TMED8: variants seen among roughly 807,000 people sequenced by gnomAD.
TMED8 encodes the protein transmembrane p24 trafficking protein family member 8.
Under a neutral mutation model 32.7 loss-of-function variants are expected in TMED8, and 15 were observed. The ratio of observed to expected loss-of-function variants is 0.46; its 90% CI spans 0.31 to 0.71. The LOEUF (loss-of-function observed/expected upper bound fraction) is 0.71. TMED8 is among the 30% of genes least tolerant of loss of function. TMED8 has a pLI of 0.06. For missense variants in TMED8, 390 were observed against 423.9 expected (o/e 0.92, Z 0.70); for synonymous variants, 147 against 161.4 (o/e 0.91, Z 0.68).
Position 77,343,502 on chromosome 14 carries a change from T to C in TMED8, c.455-19A>G, listed in dbSNP as rs1189508178. 6.2e-7 allele frequency: 1 copy of C among 1,610,332 alleles called. No individual in the cohort carries two copies. Among genetic ancestry groups the C allele is most frequent in the Non-Finnish European group, 8.5e-7 (1 of 1,177,686 alleles). ...GGGGAGACTGAAAGGACAAGCAGCT[T>C]AGCACTGAGAAACCATGAGGAAACA... On this transcript the variant is annotated intron_variant, in intron 4 of 5. Coordinates refer to ENST00000216468, the MANE Select transcript of TMED8 (RefSeq NM_213601.3).
In TMED8 at chr14:77,340,251, C is replaced by A. The variant is rs1362121014; in HGVS notation, c.*1520G>T. On this transcript the variant is annotated 3_prime_UTR_variant, in exon 6 of 6. Coordinates refer to ENST00000216468, the MANE Select transcript of TMED8 (RefSeq NM_213601.3). ...ACAGGACTGACCTACAGAAATAAAA[C>A]ATCATCGCTTCCCAAATTCTCCTAA... 1 of 152,200 alleles carries A rather than the reference C, an allele frequency of 6.6e-6. No individual in the cohort carries two copies. The highest frequency in any genetic ancestry group is 1.9e-4 in the East Asian group (1 of 5,194). 9.4% of individuals were successfully genotyped at this position (152,200 alleles called of 1,614,324 possible).
Position 77,346,627 on chromosome 14 carries a change from CA to C in TMED8, c.198-150del, listed in dbSNP as rs146788094. On this transcript the variant is annotated intron_variant, in intron 2 of 5. Transcript: ENST00000216468. ...TAGCTCTACTGTCACCTTAGCCGAC[CA>C]CTGCCCAGGGCTGAATTGGTCCACA... is the stretch of plus-strand genomic sequence containing the variant. 6.6e-3 allele frequency: 6,637 copies of C among 1,004,850 alleles called. 316 individuals are homozygous for C. In the African/African-American group the frequency reaches 0.094, roughly 14 times the overall value. 62.2% of individuals were successfully genotyped at this position (1,004,850 alleles called of 1,614,324 possible).
intron 1 of TMED8, among the ~76,000 whole-genome samples, chr14:77,352,800 A>C (rs1476322049): frequency 6.6e-6 from 1 of 152,224 alleles, no homozygotes; most frequent in Admixed American, 6.5e-5. Context: ...TGGTTAAATT[A>C]GGCAGAACAT....
chr14:77,368,629 C>A (rs1391774607), intron 1 of TMED8, among the ~76,000 whole-genome samples: 1 of 152,132 alleles, frequency 6.6e-6, no homozygotes, highest in African/African-American at 2.4e-5. Context: ...AGGCACGTGC[C>A]ACCACACCCA....
intron 1 of TMED8, among the ~76,000 whole-genome samples, chr14:77,372,927 TATATATA>T (rs1470293163): frequency 3.2e-5 from 1 of 31,458 alleles, no homozygotes; most frequent in African/African-American, 2.1e-4. Flanking sequence ...TATATATATA[TATATATA>T]TATATATATA....
chr14:77,360,097 A>G (rs1205685745), intron 1 of TMED8, among the ~76,000 whole-genome samples: 2 of 152,204 alleles, frequency 1.3e-5, no homozygotes, highest in African/African-American at 4.8e-5. Context: ...TGAAATGGTT[A>G]CCATATCAAG....
At chr14:77,373,090 T>C (rs1893735164) in intron 1 of TMED8, among the ~76,000 whole-genome samples, 1 of 146,588 alleles carries the variant, frequency 6.8e-6, no homozygotes, top group Non-Finnish European at 1.5e-5. Context: ...CTCAGCCTCC[T>C]GAGTAGCTGG....
chr14:77,376,933 T>A lies in TMED8; in HGVS notation c.118+3A>T. The A allele has an allele frequency of 6.9e-7, 1 of 1,446,778 alleles. No homozygotes were observed. Among genetic ancestry groups the A allele is most frequent in the Non-Finnish European group, 9.0e-7 (1 of 1,105,796 alleles). 89.6% of individuals were successfully genotyped at this position (1,446,778 alleles called of 1,614,324 possible). A position where few individuals can be genotyped will look rare whatever the true frequency, so the allele number is the denominator to read the frequency against. ...CACCCGCCAGCGCCCCGGCCTTGCGTACCTGAGGCGGCCGCCTGGCTCCCC... is the reference window on the plus strand; with the variant it reads ...CACCCGCCAGCGCCCCGGCCTTGCGAACCTGAGGCGGCCGCCTGGCTCCCC... On this transcript the variant is annotated splice_donor_region_variant and intron_variant, in intron 1 of 5. Transcript: ENST00000216468. The surrounding 1 kb of genome is among the most constrained non-coding windows in gnomAD (Gnocchi z 4.0).
At chr14:77,345,808 A>G (rs1893015103) in intron 3 of TMED8, among the ~76,000 whole-genome samples, 1 of 151,998 alleles carries the variant, frequency 6.6e-6, no homozygotes, top group Admixed American at 6.6e-5. Context: ...TGCCTCTACT[A>G]AAAATACAAA....
intron 5 of TMED8, 48 bp downstream of exon 5, chr14:77,343,130 A>T (rs1892943972): frequency 1.9e-6 from 3 of 1,578,292 alleles, no homozygotes; most frequent in Non-Finnish European, 1.7e-6. Context: ...GGTCACCAGA[A>T]ATCAGATTAA....
Position 77,346,342 on chromosome 14 carries a change from C to T in TMED8, c.327+7G>A, listed in dbSNP as rs757133970. The T allele has an allele frequency of 6.2e-7, 1 of 1,613,852 alleles. No individual in the cohort carries two copies. Among genetic ancestry groups the T allele is most frequent in the Admixed American group, 1.7e-5 (1 of 59,964 alleles). On this transcript the variant is annotated splice_region_variant and intron_variant, in intron 3 of 5. Transcript: ENST00000216468. ...TTCATAAGAAAGAGCCAGAATCTGC[C>T]CCCTACCTCATTGAGGACCTGGGCC...
intron 2 of TMED8, among the ~76,000 whole-genome samples, chr14:77,348,508 C>A (rs757257286): frequency 3.3e-5 from 5 of 152,200 alleles, no homozygotes; most frequent in Non-Finnish European, 7.3e-5. Flanking sequence ...CAGGCATGAG[C>A]CACCGCGCCC....
chr14:77,360,264 T>C (rs1419181063), intron 1 of TMED8, among the ~76,000 whole-genome samples: 1 of 152,202 alleles, frequency 6.6e-6, no homozygotes, highest in African/African-American at 2.4e-5. Context: ...GTTCTCATAT[T>C]GTACATTAGA....
At chr14:77,359,384 CACTGGTTTATTATATAAAA>C (rs1161127027) in intron 1 of TMED8, 4 of 211,066 alleles carry the variant, frequency 1.9e-5, no homozygotes, top group African/African-American at 9.6e-5. Context: ...TTATAATAAA[CACTGGTTTATTATATAAAA>C]ACAGGCAGAA....
chr14:77,343,536 C>T (rs1892959057), intron 4 of TMED8, 53 bp from the exon 5 acceptor site: 1 of 1,595,304 alleles, frequency 6.3e-7, no homozygotes, highest in African/African-American at 1.3e-5. Flanking sequence ...CATGAGTACC[C>T]CGGGCATTTT....
In TMED8 at chr14:77,376,985, G is replaced by A; in HGVS notation, c.69C>T (p.Gly23=). ...WSPTARPGSA[G]GVGDCQGVEG... Reference sequence around the variant, plus strand: ...CCACTCCCTGGCAGTCCCCGACGCCGCCAGCCGACCCTGGGCGGGCTGTGG... The same window carrying A: ...CCACTCCCTGGCAGTCCCCGACGCCACCAGCCGACCCTGGGCGGGCTGTGG... The change falls in exon 1 of 6, where the codon GGC becomes GGT. Residue 23 remains glycine, a synonymous_variant. Coordinates refer to ENST00000216468, the MANE Select transcript of TMED8 (RefSeq NM_213601.3). The surrounding 1 kb of genome is among the most constrained non-coding windows in gnomAD (Gnocchi z 4.0). The A allele has an allele frequency of 2.8e-6, 4 of 1,447,630 alleles. No individual in the cohort carries two copies. Among genetic ancestry groups the A allele is most frequent in the East Asian group, 3.0e-5 (1 of 33,226 alleles). The allele number at this position is 1,447,630 out of a possible 1,614,324, so 89.7% of individuals were successfully genotyped here.
intron 1 of TMED8, among the ~76,000 whole-genome samples, chr14:77,356,604 AAAG>A (rs765412472): frequency 6.6e-5 from 10 of 152,312 alleles, no homozygotes; most frequent in Admixed American, 4.6e-4. Context: ...ACAAATCTCT[AAAG>A]AAGAAGACTT....
At chr14:77,354,580 GA>G in intron 1 of TMED8, among the ~76,000 whole-genome samples, 1 of 152,070 alleles carries the variant, frequency 6.6e-6, no homozygotes, top group African/African-American at 2.4e-5. Context: ...AATAAATCAG[GA>G]AATACAGATA....
rs1279106741 is a variant in TMED8 at position 77,335,350 on chromosome 14, T to C, written c.*6421A>G. 6.6e-6 allele frequency: 1 copy of C among 152,212 alleles called. No homozygotes were observed. Among genetic ancestry groups the C allele is most frequent in the Non-Finnish European group, 1.5e-5 (1 of 68,038 alleles). 9.4% of individuals were successfully genotyped at this position (152,212 alleles called of 1,614,324 possible). A position where few individuals can be genotyped will look rare whatever the true frequency, so the allele number is the denominator to read the frequency against. On this transcript the variant is annotated 3_prime_UTR_variant, in exon 6 of 6. Coordinates refer to ENST00000216468, the MANE Select transcript of TMED8 (RefSeq NM_213601.3). ...AAAACAAGCTGACCATAATAAATGATTAGTTGGGATACTTTTGTATTTTAA... is the reference window on the plus strand; with the variant it reads ...AAAACAAGCTGACCATAATAAATGACTAGTTGGGATACTTTTGTATTTTAA...
Sources: allele counts gnomAD v4.1 joint callset (sites outside exome capture counted in the v4.1 genomes callset), GRCh38; gene constraint gnomAD v4.1.1; non-coding constraint Gnocchi (gnomAD v3.1); transcripts MANE v1.5; gene names NCBI Gene and HGNC (gene_info 2026-07-23, HGNC 2026-07-21).